The following LGSN variants were observed in gnomAD, a reference collection of about 807,000 sequenced individuals.
The protein encoded by LGSN is lengsin, lens protein with glutamine synthetase domain.
LGSN carries 21 observed loss-of-function variants against 19.5 expected under a neutral mutation model. The observed-to-expected ratio is 1.07, with a 90% confidence interval of 0.76 to 1.55. The LOEUF is 1.55. Among genes scored for constraint, LGSN ranks in the 40% most tolerant of loss-of-function variants. The pLI, the probability that LGSN is intolerant of heterozygous loss-of-function variation, is 0.00. For synonymous variants in LGSN, 257 were observed against 215.6 expected, an observed-to-expected ratio of 1.19 and a Z score of -1.68; for missense variants, 673 against 608.5, an observed-to-expected ratio of 1.11 and a Z score of -1.12.
At chr6:63,462,254 G>C in the LGSN span, among the ~76,000 whole-genome samples, 2 of 152,100 alleles carry the variant, frequency 1.3e-5, no homozygotes, top group Non-Finnish European at 2.9e-5. Flanking sequence ...TTGAGAACAA[G>C]GATTGTATCT....
chr6:63,414,189 G>T, the LGSN span, among the ~76,000 whole-genome samples: 6 of 152,002 alleles, frequency 3.9e-5, no homozygotes, highest in Non-Finnish European at 8.8e-5. Context: ...AGCTAAATGG[G>T]CTGCTGGGTA....
the LGSN span, among the ~76,000 whole-genome samples, chr6:63,505,567 A>AAAAGAAAGAAAG: frequency 3.2e-3 from 104 of 32,402 alleles, 13 homozygotes; most frequent in South Asian, 0.033. Context: ...AAAAAAAAAA[A>AAAAGAAAGAAAG]AGAAAGAAAG....
the LGSN span, among the ~76,000 whole-genome samples, chr6:63,385,533 A>G: frequency 6.6e-6 from 1 of 152,246 alleles, no homozygotes; most frequent in Non-Finnish European, 1.5e-5. Flanking sequence ...CTGTTTCAGC[A>G]GTTGCTCTAG....
At chr6:63,470,953 T>TC in the LGSN span, among the ~76,000 whole-genome samples, 1 of 111,466 alleles carries the variant, frequency 9.0e-6, no homozygotes, top group East Asian at 2.8e-4. Flanking sequence ...TTTTTTTTTT[T>TC]TTTTGAGACA....
At chr6:63,369,259 A>G in the LGSN span, among the ~76,000 whole-genome samples, 1 of 152,366 alleles carries the variant, frequency 6.6e-6, no homozygotes, top group Admixed American at 6.5e-5. Context: ...ATAGATGTCC[A>G]TTATGACTAA....
chr6:63,407,080 A>C, the LGSN span, among the ~76,000 whole-genome samples: 1 of 152,068 alleles, frequency 6.6e-6, no homozygotes, highest in African/African-American at 2.4e-5. Context: ...ATGGATTCAC[A>C]GCCAAATTCT....
At chr6:63,400,867 G>T in the LGSN span, among the ~76,000 whole-genome samples, 2 of 151,906 alleles carry the variant, frequency 1.3e-5, no homozygotes, top group Admixed American at 6.6e-5. Context: ...GGTGGTGGGC[G>T]CCTGTAATCC....
At chr6:63,438,453 C>T in the LGSN span, among the ~76,000 whole-genome samples, 3 of 152,148 alleles carry the variant, frequency 2.0e-5, no homozygotes, top group African/African-American at 7.2e-5. Flanking sequence ...GCAACCTACT[C>T]ATCTGACTAA....
At chr6:63,412,841 AAAGG>A in the LGSN span, among the ~76,000 whole-genome samples, 2 of 120,096 alleles carry the variant, frequency 1.7e-5, no homozygotes, top group East Asian at 2.2e-4. Flanking sequence ...AGGAAGGAAG[AAAGG>A]AAGGAAGGGA....
the LGSN span, among the ~76,000 whole-genome samples, chr6:63,332,289 AT>A: frequency 6.6e-6 from 1 of 152,272 alleles, no homozygotes; most frequent in African/African-American, 2.4e-5. Flanking sequence ...ACAGGTAGCA[AT>A]TTTTAGAAGC....
rs1767120580 is a variant in LGSN at position 63,276,921 on chromosome 6, C to G, written c.*3100G>C. ...TACCTACCCCAATTTGTCTTTGGCC[C>G]TGAACTCTGCTGGCCAATGCCTCTT... On this transcript the variant is annotated 3_prime_UTR_variant, in exon 4 of 4. Transcript: ENST00000370657. The G allele has an allele frequency of 6.6e-6, 1 of 152,182 alleles. No homozygotes were observed. Among genetic ancestry groups the G allele is most frequent in the Non-Finnish European group, 1.5e-5 (1 of 68,040 alleles). 9.4% of individuals were successfully genotyped at this position (152,182 alleles called of 1,614,324 possible). A position where few individuals can be genotyped will look rare whatever the true frequency, so the allele number is the denominator to read the frequency against.
At chr6:63,364,626 AAT>A in the LGSN span, among the ~76,000 whole-genome samples, 3 of 152,224 alleles carry the variant, frequency 2.0e-5, no homozygotes, top group Non-Finnish European at 4.4e-5. Context: ...AAATCAACAG[AAT>A]ATACATTCTT....
chr6:63,433,995 A>G, the LGSN span, among the ~76,000 whole-genome samples: 3 of 152,202 alleles, frequency 2.0e-5, no homozygotes, highest in African/African-American at 7.2e-5. Context: ...ACAAAGGAGT[A>G]GGCAGTGTTA....
At chr6:63,356,533 ACT>A in the LGSN span, among the ~76,000 whole-genome samples, 1 of 152,078 alleles carries the variant, frequency 6.6e-6, no homozygotes, top group Non-Finnish European at 1.5e-5. Context: ...CAAGAGCAAA[ACT>A]CTGTCTCAAA....
chr6:63,482,497 G>C, the LGSN span, among the ~76,000 whole-genome samples: 1 of 152,158 alleles, frequency 6.6e-6, no homozygotes, highest in African/African-American at 2.4e-5. Flanking sequence ...GGGAGGCCAA[G>C]GCGGGTGGAT....
the LGSN span, among the ~76,000 whole-genome samples, chr6:63,463,763 A>G: frequency 6.6e-6 from 1 of 152,180 alleles, no homozygotes; most frequent in African/African-American, 2.4e-5. Flanking sequence ...AGTTAATGAC[A>G]TATGTGTTGA....
the LGSN span, among the ~76,000 whole-genome samples, chr6:63,534,810 T>C: frequency 6.6e-6 from 1 of 152,070 alleles, no homozygotes; most frequent in African/African-American, 2.4e-5. Context: ...AAGAATTTCA[T>C]AAAGAATTTC....
chr6:63,375,882 T>C, the LGSN span, among the ~76,000 whole-genome samples: 1 of 152,226 alleles, frequency 6.6e-6, no homozygotes, highest in South Asian at 2.1e-4. Flanking sequence ...GAGCATATAC[T>C]ATGTTGTAGG....
chr6:63,549,376 A>G, the LGSN span: 3 of 754,570 alleles, frequency 4.0e-6, no homozygotes, highest in Admixed American at 1.7e-5. Context: ...TTTGGGCTGA[A>G]TGTCCTGTCC....
Sources: allele counts gnomAD v4.1 joint callset (sites outside exome capture counted in the v4.1 genomes callset), GRCh38; gene constraint gnomAD v4.1.1; transcripts MANE v1.5; gene names NCBI Gene and HGNC (gene_info 2026-07-23, HGNC 2026-07-21).